The following STAT2 variants were observed in gnomAD, a reference collection of about 807,000 sequenced individuals.
The protein encoded by STAT2 is signal transducer and activator of transcription 2.
A neutral mutation model predicts 122.3 loss-of-function variants in STAT2; 51 were observed. The observed-to-expected ratio is 0.42, with a 90% CI of 0.33 to 0.53. STAT2 has a LOEUF of 0.53. Among genes scored for constraint, STAT2 ranks in the 20% least tolerant of loss-of-function variants. The pLI is 0.10. For synonymous variants in STAT2, 351 were observed against 394.9 expected, an observed-to-expected ratio of 0.89 and a Z score of 1.32; for missense variants, 736 against 1,010.3, an observed-to-expected ratio of 0.73 and a Z score of 3.68.
At position 56,350,440 on chromosome 12, in the gene STAT2, G is replaced by T. The variant is rs1394437712; in HGVS notation, c.1095-8C>A. The T allele has an allele frequency of 4.4e-6, 7 of 1,602,704 alleles. No individual in the cohort carries two copies. The South Asian group carries it at 4.5e-5, about 10-fold the overall frequency. On this transcript the variant is annotated splice_polypyrimidine_tract_variant and splice_region_variant and intron_variant, in intron 11 of 23. Transcript: ENST00000314128. ...TGTAATTGAGGAGGATTCCTGAAAA[G>T]AAATAAATTTAAAAAAATCATTGGG... is the stretch of plus-strand genomic sequence containing the variant.
Position 56,354,627 on chromosome 12 carries a change from T to C in STAT2, c.634-13A>G, listed in dbSNP as rs760707779. ...CATCCAGCACCTCCTGGGAAAGAGA[T>C]AATGTGAGTGTTGAGCATCTCTCCC... is the stretch of plus-strand genomic sequence containing the variant. On this transcript the variant is annotated splice_polypyrimidine_tract_variant and intron_variant, in intron 7 of 23. Coordinates refer to ENST00000314128, the MANE Select transcript of STAT2 (RefSeq NM_005419.4). 16 of 1,614,084 alleles carry C rather than the reference T, an allele frequency of 9.9e-6. No homozygotes were observed. Among genetic ancestry groups the C allele is most frequent in the South Asian group, 4.4e-5 (4 of 91,090 alleles).
intron 21 of STAT2, 21 bp from the exon 22 acceptor site, chr12:56,346,224 A>C (rs762141003): frequency 1.9e-6 from 3 of 1,613,370 alleles, no homozygotes; most frequent in East Asian, 4.5e-5. Flanking sequence ...CATATACAAG[A>C]AGCAGAGAAG....
At chr12:56,349,892 T>C (rs556307000) in intron 13 of STAT2, 17 of 643,836 alleles carry the variant, frequency 2.6e-5, no homozygotes, top group Admixed American at 2.6e-4. Context: ...CTACTAAAAA[T>C]ACAAAAATTA....
rs556665477 is a variant in STAT2 at position 56,347,405 on chromosome 12, A to G, written c.1725-450T>C. Among the ~76,000 whole-genome samples the G allele has an allele frequency of 1.0e-2, 1,519 of 151,996 alleles. 16 individuals are homozygous for G. The highest frequency in any genetic ancestry group is 0.017 in the Non-Finnish European group (1,122 of 67,968). ...GGGGTTTCACCACGTGGCCCAGGGT[A>G]GTTTTGAACTCCTGGGCTCAAGTGA... On this transcript the variant is annotated intron_variant, in intron 19 of 23. Transcript: ENST00000314128.
chr12:56,350,303 C>T, intron 12 of STAT2, 109 bp downstream of exon 12: 1 of 1,447,172 alleles, frequency 6.9e-7, no homozygotes, highest in Non-Finnish European at 9.5e-7. Context: ...CTCCCTTTGT[C>T]CATATCCCAA....
At position 56,343,130 on chromosome 12, in the gene STAT2, A is replaced by G; in HGVS notation, c.*259T>C. On this transcript the variant is annotated 3_prime_UTR_variant, in exon 24 of 24. Transcript: ENST00000314128. ...GCCCTGGCCTGCCCCCAGGACCCCT[A>G]TACCTCCCAGCACAGCAGGCAGCCT... 2.5e-6 allele frequency: 1 copy of G among 405,636 alleles called. No homozygotes were observed. Among genetic ancestry groups the G allele is most frequent in the Non-Finnish European group, 4.3e-6 (1 of 232,026 alleles). 25.1% of individuals were successfully genotyped at this position (405,636 alleles called of 1,614,324 possible). A position where few individuals can be genotyped will look rare whatever the true frequency, so the allele number is the denominator to read the frequency against.
Position 56,356,121 on chromosome 12 carries a change from G to T in STAT2, c.285+11C>A, listed in dbSNP as rs138679917. On this transcript the variant is annotated intron_variant, in intron 3 of 23. Transcript: ENST00000314128. ...CAGTGCTACCCCATCACTCCCAACC[G>T]TTCCAAGTACCTGAATGTCCCGGCA... 788 of 1,612,428 alleles carry T rather than the reference G, an allele frequency of 4.9e-4. 4 individuals carry two copies. Among genetic ancestry groups the T allele is most frequent in the Non-Finnish European group, 4.2e-4 (500 of 1,179,124 alleles).
At chr12:56,356,723 T>C in intron 1 of STAT2, 145 bp from the exon 2 acceptor site, 1 of 1,232,946 alleles carries the variant, frequency 8.1e-7, no homozygotes, top group Non-Finnish European at 1.1e-6. Flanking sequence ...TATATGTTGA[T>C]CCTACTGCTA....
At chr12:56,347,005 C>T (rs1290203697) in intron 19 of STAT2, 50 bp from the exon 20 acceptor site, 1 of 1,598,934 alleles carries the variant, frequency 6.3e-7, no homozygotes. Flanking sequence ...CCTGCCCCAC[C>T]AGGCCCCTGC....
At chr12:56,344,781 C>T (rs530568011) in intron 22 of STAT2, among the ~76,000 whole-genome samples, 7 of 151,674 alleles carry the variant, frequency 4.6e-5, no homozygotes, top group East Asian at 1.9e-4. Flanking sequence ...CCAAGGTGGG[C>T]GGATCATGAG....
intron 22 of STAT2, 35 bp downstream of exon 22, chr12:56,346,111 G>A: frequency 1.2e-6 from 2 of 1,613,996 alleles, no homozygotes; most frequent in Admixed American, 3.3e-5. Context: ...AGCCAAAAAG[G>A]ATTAGGGAGG....
chr12:56,347,055 G>T, intron 19 of STAT2, 100 bp from the exon 20 acceptor site: 1 of 1,527,520 alleles, frequency 6.5e-7, no homozygotes, highest in Non-Finnish European at 8.8e-7. Flanking sequence ...CCCAGGTTTG[G>T]AATCCAGGCT....
At chr12:56,357,755 A>G (rs1879751463) in intron 1 of STAT2, among the ~76,000 whole-genome samples, 3 of 137,730 alleles carry the variant, frequency 2.2e-5, no homozygotes, top group African/African-American at 8.3e-5. Flanking sequence ...TTGGTCACCC[A>G]GGCTGGAGTG....
At chr12:56,349,973 C>A in intron 13 of STAT2, 124 bp downstream of exon 13, 4 of 833,738 alleles carry the variant, frequency 4.8e-6, no homozygotes, top group East Asian at 4.9e-5. Flanking sequence ...TGCTTGAACC[C>A]GGGAGGCGGA....
intron 1 of STAT2, among the ~76,000 whole-genome samples, chr12:56,356,860 T>C (rs1260041206): frequency 2.6e-5 from 4 of 152,004 alleles, no homozygotes; most frequent in African/African-American, 9.7e-5. Flanking sequence ...TTTGTCCAGA[T>C]TTTGGAATAT....
At chr12:56,356,602 C>T in intron 1 of STAT2, 24 bp from the exon 2 acceptor site, 3 of 1,611,082 alleles carry the variant, frequency 1.9e-6, no homozygotes, top group Non-Finnish European at 2.5e-6. Context: ...ATGAGGGTTC[C>T]CAATTGGATA....
chr12:56,348,563 C>A lies in STAT2; in HGVS notation c.1690G>T (p.Val564Leu). The change falls in exon 19 of 24, where the codon GTA (valine) becomes TTA (leucine). Residue 564 changes from valine (V) to leucine (L), a missense_variant. Coordinates refer to ENST00000314128, the MANE Select transcript of STAT2 (RefSeq NM_005419.4). Reference sequence around the variant, plus strand: ...CAGAGATCCTTCAGGTGGTCATGTACCAACTCCAGAATTTTGTCCAGCCAT... The same window carrying A: ...CAGAGATCCTTCAGGTGGTCATGTAACAACTCCAGAATTTTGTCCAGCCAT... The part of the protein sequence containing the change: ...WTWLDKILEL[V>L]HDHLKDLWND... 4 of 1,614,130 alleles carry A rather than the reference C, an allele frequency of 2.5e-6. No individual in the cohort carries two copies. Among genetic ancestry groups the A allele is most frequent in the Non-Finnish European group, 3.4e-6 (4 of 1,180,028 alleles).
At chr12:56,355,397 GT>G in intron 5 of STAT2, 45 bp downstream of exon 5, 2 of 1,614,064 alleles carry the variant, frequency 1.2e-6, no homozygotes, top group South Asian at 1.1e-5. Flanking sequence ...TCAGGGAGGT[GT>G]TAGGCTGAAC....
At position 56,344,118 on chromosome 12, in the gene STAT2, TG is replaced by T; in HGVS notation, c.2119del (p.Gln707AsnfsTer15). 6.4e-7 allele frequency: 1 copy of T among 1,558,084 alleles called. No homozygotes were observed. The highest frequency in any genetic ancestry group is 8.7e-7 in the Non-Finnish European group (1 of 1,149,538). On this transcript the variant is annotated frameshift_variant, in exon 23 of 24. Coordinates refer to ENST00000314128, the MANE Select transcript of STAT2 (RefSeq NM_005419.4). LOFTEE classifies it high-confidence loss of function. ...CTCTGGCTTAAGCTCCAGCGGTTGTTGCAGTTCATCCACCTGTCTGGATACC... is the reference window on the plus strand; with the variant it reads ...CTCTGGCTTAAGCTCCAGCGGTTGTTCAGTTCATCCACCTGTCTGGATACC... Reference protein sequence around the residue: ...VVSNRQVDELQQPLELKPEPE... With the variant: ...VVSNRQVDELXQPLELKPEPE...
Sources: allele counts gnomAD v4.1 joint callset (sites outside exome capture counted in the v4.1 genomes callset), GRCh38; gene constraint gnomAD v4.1.1; transcripts MANE v1.5; gene names NCBI Gene and HGNC (gene_info 2026-07-23, HGNC 2026-07-21).